The following EPB42 variants were observed in gnomAD, a reference collection of about 807,000 sequenced individuals.
EPB42 encodes protein 4.2.
In EPB42, 49 loss-of-function variants were observed where a neutral mutation model predicts 76.9. The observed-to-expected ratio is 0.64, with a 90% CI of 0.51 to 0.81. The LOEUF is 0.81. EPB42 is among the 30% of genes least tolerant of loss of function. The pLI, the probability that EPB42 is intolerant of heterozygous loss-of-function variation, is 0.00. For missense variants in EPB42, 731 were observed against 867.6 expected (o/e 0.84, Z 1.98); for synonymous variants, 310 against 338.4 (o/e 0.92, Z 0.92).
chr15:43,197,519 G>T (rs747516746), intron 12 of EPB42, 55 bp from the exon 13 acceptor site: 26 of 1,603,840 alleles, frequency 1.6e-5, no homozygotes, highest in Middle Eastern at 2.1e-4. Context: ...TTGCTCTGCT[G>T]GTCCCAGTGA....
At chr15:43,222,415 A>T (rs561232134), upstream of EPB42, among the ~76,000 whole-genome samples, 1 of 152,232 alleles carries the variant, frequency 6.6e-6, no homozygotes, top group Admixed American at 6.5e-5. Flanking sequence ...TGCTGTCAGT[A>T]AAACACTTGG....
intron 3 of EPB42, among the ~76,000 whole-genome samples, chr15:43,212,196 T>C (rs1206129208): frequency 2.0e-5 from 3 of 151,862 alleles, no homozygotes; most frequent in Non-Finnish European, 4.4e-5. Flanking sequence ...GGTGAAACCC[T>C]GTCTCTACTA....
chr15:43,215,030 G>A (rs2142314109), intron 3 of EPB42, 65 bp downstream of exon 3: 1 of 1,423,870 alleles, frequency 7.0e-7, no homozygotes, highest in East Asian at 2.4e-5. Flanking sequence ...CCCTGCCAGA[G>A]CTGCACCCCA....
At chr15:43,207,021 G>A (rs2042214486) in intron 9 of EPB42, among the ~76,000 whole-genome samples, 178 bp downstream of exon 9, 3 of 152,316 alleles carry the variant, frequency 2.0e-5, no homozygotes, top group South Asian at 4.1e-4. Flanking sequence ...TGCACAGCCT[G>A]TACAACAAAG....
At chr15:43,198,410 G>A (rs1205491374) in intron 12 of EPB42, among the ~76,000 whole-genome samples, 1 of 152,204 alleles carries the variant, frequency 6.6e-6, no homozygotes, top group African/African-American at 2.4e-5. Context: ...AAAGAGACTG[G>A]TGGCATTTTG....
At position 43,210,421 on chromosome 15, in the gene EPB42, C is replaced by T; in HGVS notation, c.568G>A (p.Asp190Asn). 1 of 1,613,800 alleles carries T rather than the reference C, an allele frequency of 6.2e-7. No homozygotes were observed. The change falls in exon 5 of 13, where the codon GAC becomes AAC. Residue 190 changes from aspartate (D) to asparagine (N), a missense_variant. Asp to Asn is a conservative substitution (Grantham distance 23). Coordinates refer to ENST00000441366, the MANE Select transcript of EPB42 (RefSeq NM_001114134.2). Reference protein sequence around the residue: ...DFGQFEGDVIDLSLRLLSKDK... With the variant: ...DFGQFEGDVINLSLRLLSKDK... ...TTGCTCAGCAAGCGCAGGCTGAGGTCAATGACATCCCCCTCGAACTGTTAA... is the reference window on the plus strand; with the variant it reads ...TTGCTCAGCAAGCGCAGGCTGAGGTTAATGACATCCCCCTCGAACTGTTAA...
intron 12 of EPB42, among the ~76,000 whole-genome samples, chr15:43,200,242 C>T (rs944130319): frequency 3.9e-5 from 6 of 152,170 alleles, no homozygotes; most frequent in African/African-American, 1.4e-4. Context: ...TAAATGTTGA[C>T]AGTCCCTTCT....
chr15:43,206,707 C>T lies in EPB42; in HGVS notation c.1319-78G>A. On this transcript the variant is annotated intron_variant, in intron 9 of 12. Transcript: ENST00000441366. This position sits in a 1 kb window ranked among gnomAD's most constrained non-coding sequence, Gnocchi z 4.7. ...TCTAATAAAACCCTGGGAATCAAAA[C>T]CATTTACCCACTTCTGCTCAAATGC... is the stretch of plus-strand genomic sequence containing the variant. 1 of 1,545,408 alleles carries T rather than the reference C, an allele frequency of 6.5e-7. No homozygotes were observed. The highest frequency in any genetic ancestry group is 1.1e-5 in the South Asian group (1 of 88,450).
At chr15:43,211,322 A>C (rs1432294679) in intron 4 of EPB42, 94 bp downstream of exon 4, 2 of 832,622 alleles carry the variant, frequency 2.4e-6, no homozygotes, top group Non-Finnish European at 4.3e-6. Flanking sequence ...TCTCATGACC[A>C]GGGGTTTTTG....
At chr15:43,222,429 C>T (rs372266847), upstream of EPB42, among the ~76,000 whole-genome samples, 6 of 152,104 alleles carry the variant, frequency 3.9e-5, no homozygotes, top group African/African-American at 9.7e-5. Context: ...CACTTGGAAA[C>T]GGTATGGAGG....
Position 43,208,778 on chromosome 15 carries a change from G to A in EPB42, c.833-3C>T, listed in dbSNP as rs1010354321. 6.2e-7 allele frequency: 1 copy of A among 1,613,920 alleles called. No individual in the cohort carries two copies. Among genetic ancestry groups the A allele is most frequent in the Non-Finnish European group, 8.5e-7 (1 of 1,179,916 alleles). ...AGGGATTCCCAGGCATCGCAGCACT[G>A]TGAGAAGAGGGGCGGAGTGTCAGGG... On this transcript the variant is annotated splice_region_variant and splice_polypyrimidine_tract_variant and intron_variant, in intron 6 of 12. Coordinates refer to ENST00000441366, the MANE Select transcript of EPB42 (RefSeq NM_001114134.2).
Position 43,208,325 on chromosome 15 carries a change from T to C in EPB42, c.980A>G (p.Gln327Arg). The C allele has an allele frequency of 6.2e-7, 1 of 1,614,058 alleles. No individual in the cohort carries two copies. The highest frequency in any genetic ancestry group is 1.3e-5 in the African/African-American group (1 of 75,046). Residue 327 changes from glutamine (Q) to arginine (R), a missense_variant, in exon 8 of 13, where the codon CAG (glutamine) becomes CGG (arginine). Gln to Arg is a conservative substitution (Grantham distance 43). Coordinates refer to ENST00000441366, the MANE Select transcript of EPB42 (RefSeq NM_001114134.2). Reference sequence around the variant, plus strand: ...CGTCATCCAGCACTCTGTGGAAGTCTGGAAGATCCTGAATGCAGCAAAGAG... The same window carrying C: ...CGTCATCCAGCACTCTGTGGAAGTCCGGAAGATCCTGAATGCAGCAAAGAG... ...EGQRGRIWIFQTSTECWMTRP... is the reference protein window; with the variant it reads ...EGQRGRIWIFRTSTECWMTRP...
rs2042212012 is a variant in EPB42, at chr15:43,206,815, G to A, written c.1319-186C>T. 6.6e-6 allele frequency among the ~76,000 whole-genome samples: 1 copy of A among 152,138 alleles called. No individual in the cohort carries two copies. The highest frequency in any genetic ancestry group is 2.1e-4 in the South Asian group (1 of 4,816). ...GTCAGGCAGCTCCACCACCGATACA[G>A]TGTGTCTCTTCCAAACCACTCAAGG... is the stretch of plus-strand genomic sequence containing the variant. On this transcript the variant is annotated intron_variant, in intron 9 of 12. Transcript: ENST00000441366. The surrounding 1 kb of genome is among the most constrained non-coding windows in gnomAD (Gnocchi z 4.7).
chr15:43,209,086 A>C (rs1470870462), intron 6 of EPB42, among the ~76,000 whole-genome samples, 188 bp downstream of exon 6: 1 of 152,170 alleles, frequency 6.6e-6, no homozygotes, highest in African/African-American at 2.4e-5. Context: ...AATGAGCCCA[A>C]CTTTGCTGAG....
chr15:43,207,116 T>G (rs2042215884), intron 9 of EPB42, 83 bp downstream of exon 9: 1 of 1,593,472 alleles, frequency 6.3e-7, no homozygotes, highest in Non-Finnish European at 8.6e-7. Flanking sequence ...AGTCTCTTTC[T>G]GGCTGCATCT....
In EPB42 at chr15:43,209,340, G is replaced by A. The variant is rs2042256227; in HGVS notation, c.766C>T (p.Leu256Phe). 6.2e-7 allele frequency: 1 copy of A among 1,613,996 alleles called. No individual in the cohort carries two copies. The highest frequency in any genetic ancestry group is 1.7e-5 in the Admixed American group (1 of 60,012). The change falls in exon 6 of 13, where the codon CTC becomes TTC. Residue 256 changes from leucine to phenylalanine, a missense_variant. Leu to Phe is a conservative substitution (Grantham distance 22, BLOSUM62 0). Transcript: ENST00000441366. ...RGSVPILRQW[L>F]TGRGRPVYDG... ...TACACAGGTCGGCCTCGGCCGGTGAGCCACTGCCGCAGGATGGGCACGCTG... is the reference window on the plus strand; with the variant it reads ...TACACAGGTCGGCCTCGGCCGGTGAACCACTGCCGCAGGATGGGCACGCTG...
chr15:43,198,461 G>C (rs1316387156), intron 12 of EPB42, among the ~76,000 whole-genome samples: 2 of 152,170 alleles, frequency 1.3e-5, no homozygotes, highest in African/African-American at 4.8e-5. Context: ...ACTTGAGAAA[G>C]ATGATTTAGG....
upstream of EPB42, among the ~76,000 whole-genome samples, chr15:43,221,851 CTT>C (rs1268799352): frequency 2.2e-5 from 3 of 137,856 alleles, no homozygotes; most frequent in Non-Finnish European, 4.6e-5. Context: ...AAAAATGAAA[CTT>C]CTGCCTTTCA....
Position 43,206,330 on chromosome 15 carries a change from C to A in EPB42, c.1618G>T (p.Glu540Ter). 1.2e-6 allele frequency: 2 copies of A among 1,606,874 alleles called. No homozygotes were observed. The highest frequency in any genetic ancestry group is 1.7e-6 in the Non-Finnish European group (2 of 1,174,360). ...GTCTGGTGGGGCCATAGAGCATTAC[C>A]CAGGTTGGCACTGAGCGTGAGGTGC... ...KLHLTLSANL[E>*]KIITIGLFFS... is the part of the protein sequence containing the mutation. The change falls in exon 10 of 13, where the codon GAA (glutamate) becomes TAA (stop). Residue 540 changes from glutamate (E) to a stop codon, truncating the protein, a stop_gained and splice_region_variant. Transcript: ENST00000441366. LOFTEE classifies it high-confidence loss of function. The surrounding 1 kb of genome is among the most constrained non-coding windows in gnomAD (Gnocchi z 4.7).
Sources: allele counts gnomAD v4.1 joint callset (sites outside exome capture counted in the v4.1 genomes callset), GRCh38; gene constraint gnomAD v4.1.1; non-coding constraint Gnocchi (gnomAD v3.1); transcripts MANE v1.5; gene names NCBI Gene and HGNC (gene_info 2026-07-23, HGNC 2026-07-21).